Variants in ACSL1 observed in about 807,000 individuals in gnomAD.
The protein encoded by ACSL1 is long-chain-fatty-acid--CoA ligase 1.
A neutral mutation model predicts 98.4 loss-of-function variants in ACSL1; 41 were observed. That is an observed-to-expected ratio of 0.42 (90% CI 0.32 to 0.54). The LOEUF (loss-of-function observed/expected upper bound fraction) is 0.54, where lower values mean the gene tolerates loss of function less well. Among genes scored for constraint, ACSL1 ranks in the 20% least tolerant of loss-of-function variants. ACSL1 has a pLI of 0.13. For synonymous variants in ACSL1, 316 were observed against 322.7 expected, an observed-to-expected ratio of 0.98 and a Z score of 0.22; for missense variants, 734 against 883.1, an observed-to-expected ratio of 0.83 and a Z score of 2.14.
chr4:184,822,583 A>T (rs1773145483), intron 1 of ACSL1, among the ~76,000 whole-genome samples: 1 of 152,060 alleles, frequency 6.6e-6, no homozygotes, highest in Non-Finnish European at 1.5e-5. Flanking sequence ...CGAAAAAAAT[A>T]CAAAAATTAG....
At chr4:184,805,470 A>G (rs1265452520) in intron 1 of ACSL1, 2 of 985,380 alleles carry the variant, frequency 2.0e-6, no homozygotes, top group Non-Finnish European at 2.4e-6. Context: ...AGATAAGCAG[A>G]TTTCTTCAGG....
chr4:184,773,933 A>G lies in ACSL1; in HGVS notation c.757-58T>C. The G allele has an allele frequency of 6.3e-7, 1 of 1,596,412 alleles. No homozygotes were observed. Among genetic ancestry groups the G allele is most frequent in the African/African-American group, 1.3e-5 (1 of 74,674 alleles). On this transcript the variant is annotated intron_variant, in intron 7 of 20. Transcript: ENST00000281455. The surrounding 1 kb of genome is among the most constrained non-coding windows in gnomAD (Gnocchi z 4.3). Reference sequence around the variant, plus strand: ...AAACGTTTTCTAACTGTAAAGGATAAGGTCACATCGAGTCACTTAAAGCTG... The same window carrying G: ...AAACGTTTTCTAACTGTAAAGGATAGGGTCACATCGAGTCACTTAAAGCTG...
chr4:184,795,166 G>C (rs1261049100), intron 2 of ACSL1, among the ~76,000 whole-genome samples: 2 of 152,210 alleles, frequency 1.3e-5, no homozygotes, highest in Admixed American at 6.5e-5. Context: ...CTTCTGCCTA[G>C]TTCAAAGGGA....
At chr4:184,770,162 A>T in intron 11 of ACSL1, 1 of 1,204,768 alleles carries the variant, frequency 8.3e-7, no homozygotes. Context: ...TCAGAAAAAG[A>T]ATTTATATTC....
chr4:184,826,443 C>G (rs1259065130), upstream of ACSL1: 1 of 152,398 alleles, frequency 6.6e-6, no homozygotes, highest in East Asian at 1.9e-4. Flanking sequence ...GCCCTGGAGG[C>G]AAGGGCCTTC....
At chr4:184,799,150 G>T (rs149762137) in intron 2 of ACSL1, 2,841 of 135,446 alleles carry the variant, frequency 0.021, 90 homozygotes, top group African/African-American at 0.074. Context: ...ATGGAGTCTC[G>T]CTCTGTTGCC....
intron 1 of ACSL1, chr4:184,815,059 T>A (rs1228833346): frequency 2.2e-6 from 1 of 455,908 alleles, no homozygotes; most frequent in Non-Finnish European, 4.4e-6. Flanking sequence ...CCTGCAAGAG[T>A]TAACAGAGCT....
intron 2 of ACSL1, among the ~76,000 whole-genome samples, chr4:184,790,042 A>G (rs756002944): frequency 4.6e-5 from 7 of 152,162 alleles, no homozygotes; most frequent in Non-Finnish European, 1.0e-4. Context: ...GTGATGAAAC[A>G]AAACAGGAGA....
chr4:184,767,769 A>C (rs1427813577), intron 12 of ACSL1, among the ~76,000 whole-genome samples: 1 of 152,232 alleles, frequency 6.6e-6, no homozygotes, highest in African/African-American at 2.4e-5. Flanking sequence ...GAGATTGCTC[A>C]TGCCCCTCGC....
chr4:184,787,349 G>C (rs1579905800), intron 3 of ACSL1, among the ~76,000 whole-genome samples: 1 of 152,210 alleles, frequency 6.6e-6, no homozygotes, highest in African/African-American at 2.4e-5. Flanking sequence ...GGCTAGGGGG[G>C]CAGAATGCCA....
chr4:184,783,021 C>T (rs931685296), intron 4 of ACSL1, among the ~76,000 whole-genome samples: 8 of 152,056 alleles, frequency 5.3e-5, no homozygotes, highest in African/African-American at 1.9e-4. Context: ...TTACCTGCCC[C>T]GAGAGCAGGA....
chr4:184,766,061 T>C lies in ACSL1; in HGVS notation c.1264-75A>G. ...CGGCGGCCTCTCCGCCAAGGGGGCC[T>C]GCTTGGGACCCCGTTCCCTAACCCA... On this transcript the variant is annotated intron_variant, in intron 13 of 20. Transcript: ENST00000281455. This position sits in a 1 kb window ranked among gnomAD's most constrained non-coding sequence, Gnocchi z 4.8. 10 of 1,414,068 alleles carry C rather than the reference T, an allele frequency of 7.1e-6. No individual in the cohort carries two copies. The highest frequency in any genetic ancestry group is 8.9e-6 in the Non-Finnish European group (9 of 1,010,422). The allele number at this position is 1,414,068 out of a possible 1,614,324, so 87.6% of individuals were successfully genotyped here.
chr4:184,774,762 T>C (rs142990392), intron 7 of ACSL1, among the ~76,000 whole-genome samples: 5 of 151,742 alleles, frequency 3.3e-5, no homozygotes, highest in African/African-American at 1.2e-4. Context: ...ATGGGTGTGC[T>C]CAGGGCTTAG....
At chr4:184,779,443 G>A (rs943992435) in intron 5 of ACSL1, among the ~76,000 whole-genome samples, 1 of 152,126 alleles carries the variant, frequency 6.6e-6, no homozygotes, top group African/African-American at 2.4e-5. Flanking sequence ...CCAGTCTCAG[G>A]TATGTCTTTA....
chr4:184,768,379 G>T lies in ACSL1; in HGVS notation c.1065C>A (p.Leu355=). The T allele has an allele frequency of 5.6e-6, 9 of 1,613,558 alleles. No individual in the cohort carries two copies. Among genetic ancestry groups the T allele is most frequent in the Non-Finnish European group, 7.6e-6 (9 of 1,179,908 alleles). The change falls in exon 12 of 21, where the codon CTC becomes CTA. Residue 355 remains leucine (L), a synonymous_variant. Transcript: ENST00000281455. ...QGDIRLLMDD[L]KVLQPTVFPV... ...GGAAGACAGTGGGTTGAAGCACCTT[G>T]AGGTCATCCATGAGCAGCCTGATAT...
chr4:184,784,729 C>T (rs1055789143), intron 3 of ACSL1, among the ~76,000 whole-genome samples: 4 of 152,172 alleles, frequency 2.6e-5, no homozygotes, highest in African/African-American at 9.7e-5. Context: ...GGATGGAAGG[C>T]AGGGCTGGCC....
At chr4:184,780,282 T>C (rs752668326) in intron 5 of ACSL1, 50 bp downstream of exon 5, 7 of 1,479,036 alleles carry the variant, frequency 4.7e-6, no homozygotes, top group Admixed American at 3.5e-5. Context: ...TAGGCTCTTA[T>C]ATCTGAGAAT....
At chr4:184,769,097 C>G (rs1055986110) in intron 11 of ACSL1, among the ~76,000 whole-genome samples, 8 of 129,114 alleles carry the variant, frequency 6.2e-5, no homozygotes, top group Non-Finnish European at 1.0e-4. Context: ...ATATATATAG[C>G]CTTCCAGAAA....
intron 17 of ACSL1, 50 bp downstream of exon 17, chr4:184,762,357 T>C: frequency 6.8e-7 from 1 of 1,477,680 alleles, no homozygotes; most frequent in Non-Finnish European, 9.5e-7. Context: ...GACATTTTCT[T>C]CCCCACAGTG....
Sources: gnomAD v4.1 joint callset for allele counts (sites outside exome capture counted in the v4.1 genomes callset) on GRCh38, gnomAD v4.1.1 for gene constraint, Gnocchi (gnomAD v3.1) non-coding constraint, MANE v1.5 for transcripts, NCBI Gene and HGNC (gene_info 2026-07-23, HGNC 2026-07-21) for gene names.